SLC18A2: variants seen among roughly 807,000 people sequenced by gnomAD.
SLC18A2 encodes solute carrier family 18 member A2.
Under a neutral mutation model 59.2 loss-of-function variants are expected in SLC18A2, and 33 were observed. The ratio of observed to expected loss-of-function variants is 0.56; its 90% CI spans 0.42 to 0.75. SLC18A2 has a LOEUF of 0.75. SLC18A2 is among the 30% of genes least tolerant of loss of function. The pLI is 0.00. For synonymous variants in SLC18A2, 228 were observed against 253.5 expected, an observed-to-expected ratio of 0.90 and a Z score of 0.95; for missense variants, 569 against 668.6, an observed-to-expected ratio of 0.85 and a Z score of 1.64.
chr10:117,257,399 C>T (rs142510348), intron 9 of SLC18A2, among the ~76,000 whole-genome samples: 152 of 152,046 alleles, frequency 1.0e-3, no homozygotes, highest in African/African-American at 3.4e-3. Flanking sequence ...CACAGTAAAA[C>T]ACAGATGCGA....
Position 117,257,898 on chromosome 10 carries a change from G to A in SLC18A2, c.991+6G>A. 1 of 1,599,322 alleles carries A rather than the reference G, an allele frequency of 6.3e-7. No individual in the cohort carries two copies. Among genetic ancestry groups the A allele is most frequent in the Non-Finnish European group, 8.6e-7 (1 of 1,169,232 alleles). On this transcript the variant is annotated splice_donor_region_variant and intron_variant, in intron 10 of 15. Transcript: ENST00000644641. Reference sequence around the variant, plus strand: ...TTCCCGAAAGTGGCAGCTGGGTAAGGACTGGGGTGGGCTCTTCTGATTCAA... The same window carrying A: ...TTCCCGAAAGTGGCAGCTGGGTAAGAACTGGGGTGGGCTCTTCTGATTCAA...
In SLC18A2 at chr10:117,269,909, T is replaced by C. The variant is rs1373897070; in HGVS notation, c.1187-162T>C. Among the ~76,000 whole-genome samples, 1 of 152,210 alleles carries C rather than the reference T, an allele frequency of 6.6e-6. No individual in the cohort carries two copies. The highest frequency in any genetic ancestry group is 1.5e-5 in the Non-Finnish European group (1 of 68,044). The stretch of plus-strand genomic sequence containing the variant: ...TGGGGGTCAGAAAAGGCTTCCTTCA[T>C]TCTTTCTACTCAAAGATTAGTATCA... On this transcript the variant is annotated intron_variant, in intron 13 of 15. Coordinates refer to ENST00000644641, the MANE Select transcript of SLC18A2 (RefSeq NM_003054.6). This position sits in a 1 kb window ranked among gnomAD's most constrained non-coding sequence, Gnocchi z 5.1.
At chr10:117,252,438 T>C (rs1844174148) in intron 3 of SLC18A2, among the ~76,000 whole-genome samples, 2 of 152,002 alleles carry the variant, frequency 1.3e-5, no homozygotes, top group African/African-American at 4.8e-5. Flanking sequence ...CTTAGAGATG[T>C]TTCAGGCTCT....
chr10:117,266,701 A>G (rs1565007889), intron 10 of SLC18A2, 32 bp from the exon 11 acceptor site: 39 of 1,472,432 alleles, frequency 2.6e-5, no homozygotes, highest in Non-Finnish European at 3.7e-5. Context: ...TGATATCAGC[A>G]CTGATAAGGT....
chr10:117,252,679 C>G (rs1157993611), intron 3 of SLC18A2, among the ~76,000 whole-genome samples: 2 of 152,170 alleles, frequency 1.3e-5, no homozygotes, highest in East Asian at 3.9e-4. Flanking sequence ...AACAGTTTAA[C>G]ATCCATATCT....
intron 4 of SLC18A2, 48 bp downstream of exon 4, chr10:117,253,505 G>A (rs772660511): frequency 2.5e-6 from 3 of 1,221,018 alleles, no homozygotes; most frequent in Non-Finnish European, 2.3e-6. Context: ...ATCAGGGTGG[G>A]CATTGATGCC....
chr10:117,259,256 A>C (rs1844265570), intron 10 of SLC18A2, among the ~76,000 whole-genome samples: 1 of 152,052 alleles, frequency 6.6e-6, no homozygotes, highest in Non-Finnish European at 1.5e-5. Flanking sequence ...TCATTTTCTT[A>C]ATGTTTTATG....
intron 10 of SLC18A2, among the ~76,000 whole-genome samples, chr10:117,263,040 G>A (rs567501234): frequency 2.0e-5 from 3 of 152,154 alleles, no homozygotes; most frequent in South Asian, 2.1e-4. Flanking sequence ...GCCTATCACC[G>A]GCGCCAGACG....
intron 12 of SLC18A2, chr10:117,267,358 T>C: frequency 2.3e-6 from 1 of 442,188 alleles, no homozygotes; most frequent in Non-Finnish European, 4.0e-6. Flanking sequence ...TAGAATAAAA[T>C]CTCTTCTACC....
Position 117,266,732 on chromosome 10 carries a change from G to A in SLC18A2, c.992-1G>A. 1.2e-6 allele frequency: 2 copies of A among 1,611,870 alleles called. No homozygotes were observed. Among genetic ancestry groups the A allele is most frequent in the Non-Finnish European group, 1.7e-6 (2 of 1,178,648 alleles). The stretch of plus-strand genomic sequence containing the variant: ...AAGGTCTCCTTTTCATAAATTTACA[G>A]GCGTTGCCTTCTTGCCAGCTAGTAT... On this transcript the variant is annotated splice_acceptor_variant, in intron 10 of 15. Coordinates refer to ENST00000644641, the MANE Select transcript of SLC18A2 (RefSeq NM_003054.6). LOFTEE classifies it high-confidence loss of function.
chr10:117,253,558 G>GGT (rs1565003529), intron 4 of SLC18A2, 101 bp downstream of exon 4: 3 of 335,694 alleles, frequency 8.9e-6, no homozygotes, highest in African/African-American at 7.2e-5. Context: ...ACGGCGGGGG[G>GGT]GCGGGGGGGG....
chr10:117,267,798 T>C, intron 13 of SLC18A2, 62 bp downstream of exon 13: 1 of 1,317,206 alleles, frequency 7.6e-7, no homozygotes, highest in Non-Finnish European at 1.1e-6. Context: ...AGGGTTCTTC[T>C]TCCTCTGGTA....
chr10:117,258,287 A>G (rs1206612675), intron 10 of SLC18A2, among the ~76,000 whole-genome samples: 1 of 152,270 alleles, frequency 6.6e-6, no homozygotes, highest in Non-Finnish European at 1.5e-5. Flanking sequence ...TTATTATAAC[A>G]AAATCAAAGT....
rs1844187354 is a variant in SLC18A2, at chr10:117,253,537, A to G, written c.523+80A>G. ...TGCCCATGAGCCGGGAATTAACAAT[A>G]CAACCTAAGGACGGCGGGGGGGCGG... On this transcript the variant is annotated intron_variant, in intron 4 of 15. Transcript: ENST00000644641. The G allele has an allele frequency of 7.0e-5, 23 of 328,400 alleles. 1 individual carries two copies. Among genetic ancestry groups the G allele is most frequent in the South Asian group, 5.8e-4 (22 of 38,142 alleles). The allele number at this position is 328,400 out of a possible 1,614,324, so 20.3% of individuals were successfully genotyped here. A position where few individuals can be genotyped will look rare whatever the true frequency, so the allele number is the denominator to read the frequency against.
chr10:117,270,431 C>T lies in SLC18A2; in HGVS notation c.1408C>T (p.Leu470Phe). Residue 470 changes from leucine to phenylalanine, a missense_variant, in exon 15 of 16, where the codon CTT (leucine) becomes TTT (phenylalanine). Around this residue, in one of 2 missense-constraint regions of SLC18A2, gnomAD observed 192 missense variants for 278.8 expected, o/e 0.69. Transcript: ENST00000644641. ...DILFAPLCFF[L>F]RSPPAKEEKM... ...TCTTTTTGCCCCTCTCTGCTTTTTT[C>T]TTCGAAGTCCACCTGCCAAAGAAGA... 6.2e-7 allele frequency: 1 copy of T among 1,613,814 alleles called. No homozygotes were observed. The highest frequency in any genetic ancestry group is 8.5e-7 in the Non-Finnish European group (1 of 1,179,942).
At chr10:117,264,457 C>T (rs1844326839) in intron 10 of SLC18A2, among the ~76,000 whole-genome samples, 1 of 152,210 alleles carries the variant, frequency 6.6e-6, no homozygotes, top group African/African-American at 2.4e-5. Flanking sequence ...GCCTGGGCAA[C>T]AGAGCCACTG....
chr10:117,245,553 G>A (rs572651611), intron 3 of SLC18A2, among the ~76,000 whole-genome samples: 4 of 152,076 alleles, frequency 2.6e-5, no homozygotes, highest in African/African-American at 9.7e-5. Flanking sequence ...TGCCTTTGGC[G>A]TGGGGAGTGG....
chr10:117,267,391 T>C (rs1355761726), intron 12 of SLC18A2: 1 of 448,294 alleles, frequency 2.2e-6, no homozygotes, highest in Non-Finnish European at 4.0e-6. Context: ...CCATCCCTCA[T>C]GAGGCCTACT....
chr10:117,277,212 GAAT>G lies in SLC18A2; in HGVS notation c.1496_1498del (p.Asn499del), dbSNP rs1844509603. ...CTATTAAAACAAAAATGTACACTCA[GAAT>G]AATATCCAGTCATATCCGATAGGTG... On this transcript the variant is annotated inframe_deletion, in exon 16 of 16. Coordinates refer to ENST00000644641, the MANE Select transcript of SLC18A2 (RefSeq NM_003054.6). The G allele has an allele frequency of 6.2e-7, 1 of 1,612,244 alleles. No individual in the cohort carries two copies. The highest frequency in any genetic ancestry group is 2.2e-5 in the East Asian group (1 of 44,798).
Sources: allele counts gnomAD v4.1 joint callset (sites outside exome capture counted in the v4.1 genomes callset), GRCh38; gene constraint gnomAD v4.1.1; regional missense constraint gnomAD v4.1.1; non-coding constraint Gnocchi (gnomAD v3.1); transcripts MANE v1.5; gene names NCBI Gene and HGNC (gene_info 2026-07-23, HGNC 2026-07-21).